The following PLCB4 variants were observed in gnomAD, a reference collection of about 807,000 sequenced individuals.
The protein encoded by PLCB4 is 1-phosphatidylinositol 4,5-bisphosphate phosphodiesterase beta-4.
In PLCB4, 77 loss-of-function variants were observed where a neutral mutation model predicts 178.8. That is an observed-to-expected ratio of 0.43 (90% CI 0.36 to 0.52). The LOEUF (loss-of-function observed/expected upper bound fraction) is 0.52. Ranked by LOEUF, PLCB4 falls within the 20% of genes least tolerant of loss-of-function variation. The pLI, the probability that PLCB4 is intolerant of heterozygous loss-of-function variation, is 0.00. For missense variants in PLCB4, 1,024 were observed against 1,453.4 expected, an observed-to-expected ratio of 0.70 and a Z score of 4.80; for synonymous variants, 496 against 490.8, an observed-to-expected ratio of 1.01 and a Z score of -0.14.
intron 34 of PLCB4, 97 bp from the exon 35 acceptor site, chr20:9,459,535 TTGG>T (rs2043264000): frequency 9.6e-6 from 7 of 731,612 alleles, no homozygotes; most frequent in Non-Finnish European, 1.3e-5. Flanking sequence ...ACCAATTAAG[TTGG>T]TGGGAGGAAC....
intron 3 of PLCB4, among the ~76,000 whole-genome samples, chr20:9,218,633 T>C (rs1019076441): frequency 6.6e-6 from 1 of 152,230 alleles, no homozygotes; most frequent in Non-Finnish European, 1.5e-5. Context: ...CATTATCTTC[T>C]GGCAGTGCCC....
chr20:9,252,211 T>C (rs1300468884), intron 3 of PLCB4, among the ~76,000 whole-genome samples: 1 of 152,176 alleles, frequency 6.6e-6, no homozygotes, highest in Non-Finnish European at 1.5e-5. Context: ...ACATTTCACA[T>C]GTTCGGTAGC....
chr20:9,176,311 T>C (rs2093153983), intron 2 of PLCB4, among the ~76,000 whole-genome samples: 1 of 152,214 alleles, frequency 6.6e-6, no homozygotes, highest in South Asian at 2.1e-4. Context: ...TGAACATTTG[T>C]GTACAAATAT....
chr20:9,380,230 T>A, intron 13 of PLCB4, 68 bp downstream of exon 13: 1 of 769,964 alleles, frequency 1.3e-6, no homozygotes, highest in Non-Finnish European at 2.2e-6. Flanking sequence ...AGCCTTGGTT[T>A]ATTTAAAGGT....
intron 35 of PLCB4, among the ~76,000 whole-genome samples, chr20:9,463,549 T>A (rs1459373414): frequency 3.9e-5 from 4 of 101,974 alleles, no homozygotes; most frequent in African/African-American, 1.2e-4. Flanking sequence ...ACACACAGGC[T>A]CAAAATAAAG....
At chr20:9,345,600 T>C (rs2033718847) in intron 7 of PLCB4, among the ~76,000 whole-genome samples, 1 of 152,206 alleles carries the variant, frequency 6.6e-6, no homozygotes, top group African/African-American at 2.4e-5. Context: ...GAATTTTCCT[T>C]TGATTACAAA....
intron 2 of PLCB4, among the ~76,000 whole-genome samples, chr20:9,205,060 T>G (rs2093600122): frequency 6.6e-6 from 1 of 152,236 alleles, no homozygotes. Flanking sequence ...TTAACAATGG[T>G]GCAAAAATGG....
intron 28 of PLCB4, among the ~76,000 whole-genome samples, chr20:9,429,435 C>G (rs115073956): frequency 1.3e-5 from 2 of 152,110 alleles, no homozygotes; most frequent in African/African-American, 4.8e-5. Flanking sequence ...GAAGGAAGCC[C>G]AGTGAAATGT....
chr20:9,314,187 A>G (rs190642813), intron 4 of PLCB4, among the ~76,000 whole-genome samples: 63 of 152,308 alleles, frequency 4.1e-4, no homozygotes, highest in Admixed American at 1.4e-3. Flanking sequence ...CACACCATCA[A>G]TGGGTTTACT....
chr20:9,362,356 G>A (rs1285819144), intron 7 of PLCB4, among the ~76,000 whole-genome samples: 1 of 152,170 alleles, frequency 6.6e-6, no homozygotes, highest in Non-Finnish European at 1.5e-5. Flanking sequence ...CAGAAATTAT[G>A]TGAGCACATC....
intron 2 of PLCB4, among the ~76,000 whole-genome samples, chr20:9,210,618 A>C (rs2093663039): frequency 6.6e-6 from 1 of 152,136 alleles, no homozygotes; most frequent in Non-Finnish European, 1.5e-5. Context: ...ACATCATCCA[A>C]ATTTCTAAGA....
chr20:9,438,363 C>CT (rs1301671734), intron 30 of PLCB4, among the ~76,000 whole-genome samples: 3 of 129,248 alleles, frequency 2.3e-5, no homozygotes, highest in Non-Finnish European at 4.7e-5. Context: ...GAGACTATAT[C>CT]TTAAAAAAAA....
intron 2 of PLCB4, among the ~76,000 whole-genome samples, chr20:9,210,988 G>A (rs2093666639): frequency 1.3e-5 from 2 of 152,204 alleles, no homozygotes; most frequent in African/African-American, 4.8e-5. Flanking sequence ...AAATATGACT[G>A]CATTGGTGAA....
At chr20:9,398,459 A>G (rs958595662) in intron 19 of PLCB4, among the ~76,000 whole-genome samples, 2 of 152,240 alleles carry the variant, frequency 1.3e-5, no homozygotes, top group Admixed American at 6.5e-5. Flanking sequence ...AGATACAAAA[A>G]AGATGACTAT....
intron 3 of PLCB4, among the ~76,000 whole-genome samples, chr20:9,300,388 T>G (rs1020383460): frequency 6.6e-6 from 1 of 152,174 alleles, no homozygotes; most frequent in African/African-American, 2.4e-5. Flanking sequence ...TTAATAAAAT[T>G]TATAACTGAG....
At chr20:9,386,010 C>T (rs895333453) in intron 14 of PLCB4, among the ~76,000 whole-genome samples, 13 of 152,284 alleles carry the variant, frequency 8.5e-5, no homozygotes, top group East Asian at 1.9e-4. Flanking sequence ...CCCAGCACCC[C>T]GGGAGGCCGA....
At chr20:9,195,588 TCTC>T (rs1170385412) in intron 2 of PLCB4, among the ~76,000 whole-genome samples, 1 of 152,096 alleles carries the variant, frequency 6.6e-6, no homozygotes, top group Non-Finnish European at 1.5e-5. Context: ...ACATCCATCA[TCTC>T]CTGCTCTGCC....
At chr20:9,089,128 C>T (rs183838739) in intron 1 of PLCB4, among the ~76,000 whole-genome samples, 83 of 151,896 alleles carry the variant, frequency 5.5e-4, no homozygotes, top group African/African-American at 2.0e-3. Flanking sequence ...CATTAGTTAG[C>T]TTATTTCAAA....
Position 9,468,684 on chromosome 20 carries a change from A to G in PLCB4, c.3350+12A>G. 7.0e-7 allele frequency: 1 copy of G among 1,436,912 alleles called. No individual in the cohort carries two copies. Among genetic ancestry groups the G allele is most frequent in the East Asian group, 2.3e-5 (1 of 44,050 alleles). 89.0% of individuals were successfully genotyped at this position (1,436,912 alleles called of 1,614,324 possible). A position where few individuals can be genotyped will look rare whatever the true frequency, so the allele number is the denominator to read the frequency against. ...GCAGAACGGGAAAGGTAAGTCTGAG[A>G]GTGTTCACTGCAGGAATATGGCATT... On this transcript the variant is annotated intron_variant, in intron 36 of 39. Coordinates refer to ENST00000378473, the MANE Select transcript of PLCB4 (RefSeq NM_001377142.1).
Sources: allele counts gnomAD v4.1 joint callset (sites outside exome capture counted in the v4.1 genomes callset), GRCh38; gene constraint gnomAD v4.1.1; transcripts MANE v1.5; gene names NCBI Gene and HGNC (gene_info 2026-07-23, HGNC 2026-07-21).